The following ERC2 variants were observed in gnomAD, a reference collection of about 807,000 sequenced individuals.
ERC2 encodes ELKS/RAB6-interacting/CAST family member 2, also known as ERC protein 2.
ERC2 carries 42 observed loss-of-function variants against 114.8 expected under a neutral mutation model. The observed-to-expected ratio is 0.37, with a 90% confidence interval of 0.29 to 0.47. The LOEUF (loss-of-function observed/expected upper bound fraction) is 0.47. Ranked by LOEUF, ERC2 falls within the 20% of genes least tolerant of loss-of-function variation. The pLI, the probability that ERC2 is intolerant of heterozygous loss-of-function variation, is 0.99. For missense variants in ERC2, 939 were observed against 1,150.7 expected (o/e 0.82, Z 2.66); for synonymous variants, 454 against 425.5 (o/e 1.07, Z -0.82).
chr3:55,887,769 T>C (rs769338034), intron 14 of ERC2, among the ~76,000 whole-genome samples: 11 of 152,238 alleles, frequency 7.2e-5, no homozygotes, highest in Admixed American at 2.0e-4. Flanking sequence ...ATGTCATTGA[T>C]TAAATCAAAG....
intron 17 of ERC2, among the ~76,000 whole-genome samples, chr3:55,670,946 T>C (rs1012211090): frequency 6.6e-6 from 1 of 152,156 alleles, no homozygotes; most frequent in African/African-American, 2.4e-5. Flanking sequence ...ACTCGTATGG[T>C]CTCTGGCTGC....
At chr3:56,173,406 C>T (rs1454471501) in intron 4 of ERC2, 40 bp downstream of exon 4, 1 of 1,587,714 alleles carries the variant, frequency 6.3e-7, no homozygotes, top group Admixed American at 1.7e-5. Flanking sequence ...AACAAACTCC[C>T]AAGGCATAAC....
chr3:55,897,195 CCT>C (rs1195698867), intron 13 of ERC2, among the ~76,000 whole-genome samples: 1 of 152,184 alleles, frequency 6.6e-6, no homozygotes, highest in African/African-American at 2.4e-5. Flanking sequence ...TGAAAACCAG[CCT>C]CTCTCTCAGT....
intron 17 of ERC2, among the ~76,000 whole-genome samples, chr3:55,553,802 C>T (rs1018721198): frequency 1.3e-5 from 2 of 152,036 alleles, no homozygotes; most frequent in African/African-American, 4.8e-5. Flanking sequence ...AATGGCAGCA[C>T]TGAGGCTTAA....
chr3:56,071,679 T>A (rs75579733), intron 7 of ERC2, among the ~76,000 whole-genome samples: 4,146 of 152,308 alleles, frequency 0.027, 140 homozygotes, highest in Non-Finnish European at 0.036. Flanking sequence ...GTAACTTTCC[T>A]AGCTTTGGTT....
chr3:55,822,916 A>G (rs1359984930), intron 14 of ERC2, among the ~76,000 whole-genome samples: 1 of 152,168 alleles, frequency 6.6e-6, no homozygotes, highest in Non-Finnish European at 1.5e-5. Flanking sequence ...CCGAGCCCCA[A>G]GAATTTTTAA....
At chr3:55,727,703 G>A (rs2065006062) in intron 15 of ERC2, among the ~76,000 whole-genome samples, 1 of 152,126 alleles carries the variant, frequency 6.6e-6, no homozygotes, top group South Asian at 2.1e-4. Flanking sequence ...GAGTTTTCAG[G>A]GATGAAATGG....
chr3:56,047,809 C>T (rs1210546437), intron 7 of ERC2, among the ~76,000 whole-genome samples: 1 of 152,110 alleles, frequency 6.6e-6, no homozygotes, highest in Non-Finnish European at 1.5e-5. Flanking sequence ...TAATTGCTGG[C>T]AAGAGGGGCC....
At chr3:55,563,328 CTTTTTT>C (rs57775830) in intron 17 of ERC2, among the ~76,000 whole-genome samples, 1 of 138,910 alleles carries the variant, frequency 7.2e-6, no homozygotes. Context: ...AGTGTCTTTC[CTTTTTT>C]TTTTTTTTTT....
intron 13 of ERC2, among the ~76,000 whole-genome samples, chr3:55,892,580 T>C (rs1448374837): frequency 1.3e-5 from 2 of 152,170 alleles, no homozygotes; most frequent in Admixed American, 1.3e-4. Context: ...AATCCAGGTA[T>C]GAAAATGTTT....
chr3:55,819,010 G>A (rs1042878691), intron 14 of ERC2, among the ~76,000 whole-genome samples: 2 of 152,212 alleles, frequency 1.3e-5, no homozygotes, highest in Admixed American at 1.3e-4. Flanking sequence ...GTGCAAGCTA[G>A]TGTGGGTCAC....
At chr3:56,379,254 T>C (rs1223440164) in intron 2 of ERC2, among the ~76,000 whole-genome samples, 1 of 152,170 alleles carries the variant, frequency 6.6e-6, no homozygotes, top group African/African-American at 2.4e-5. Context: ...GCACTTATCC[T>C]ATCTGACTAC....
chr3:56,230,014 T>A (rs2050513495), intron 3 of ERC2, among the ~76,000 whole-genome samples: 1 of 151,718 alleles, frequency 6.6e-6, no homozygotes, highest in South Asian at 2.1e-4. Flanking sequence ...TACAGGCGCC[T>A]GCCACCACAC....
chr3:56,045,078 T>C (rs1225101039), intron 7 of ERC2, among the ~76,000 whole-genome samples: 1 of 152,174 alleles, frequency 6.6e-6, no homozygotes, highest in Admixed American at 6.6e-5. Context: ...AAATATACTT[T>C]AAAACTGAAG....
At chr3:56,024,301 C>T (rs1381272030) in intron 7 of ERC2, among the ~76,000 whole-genome samples, 3 of 152,182 alleles carry the variant, frequency 2.0e-5, no homozygotes, top group Non-Finnish European at 4.4e-5. Context: ...AACTAGACAT[C>T]GAGGCTTACA....
intron 17 of ERC2, among the ~76,000 whole-genome samples, chr3:55,629,962 G>A (rs552121735): frequency 3.2e-4 from 49 of 152,254 alleles, no homozygotes; most frequent in Non-Finnish European, 5.1e-4. Context: ...TAAGCTAGTC[G>A]TACTGGTGGG....
chr3:55,842,881 T>C (rs190657964), intron 14 of ERC2, among the ~76,000 whole-genome samples: 37 of 152,154 alleles, frequency 2.4e-4, no homozygotes, highest in Non-Finnish European at 4.4e-4. Context: ...AGATTAGTTC[T>C]ATGCAGAAGG....
At chr3:55,662,680 A>G (rs1018853307) in intron 17 of ERC2, among the ~76,000 whole-genome samples, 7 of 152,338 alleles carry the variant, frequency 4.6e-5, no homozygotes, top group Non-Finnish European at 7.3e-5. Context: ...GAATTGAGTC[A>G]TGAATGTAGA....
At chr3:56,132,679 T>C (rs1022184733) in intron 6 of ERC2, among the ~76,000 whole-genome samples, 8 of 152,184 alleles carry the variant, frequency 5.3e-5, no homozygotes, top group African/African-American at 1.9e-4. Context: ...ATGTACGACA[T>C]GTGCATCATC....
Sources: gnomAD v4.1 joint callset for allele counts (sites outside exome capture counted in the v4.1 genomes callset) on GRCh38, gnomAD v4.1.1 for gene constraint, MANE v1.5 for transcripts, NCBI Gene and HGNC (gene_info 2026-07-23, HGNC 2026-07-21) for gene names.